Variants in RGS7 observed in about 807,000 individuals in gnomAD.
The protein encoded by RGS7 is regulator of G protein signaling 7.
A neutral mutation model predicts 81.1 loss-of-function variants in RGS7; 27 were observed. That is an observed-to-expected ratio of 0.33 (90% CI 0.25 to 0.46). The LOEUF is 0.46. RGS7 is among the 20% of genes least tolerant of loss of function. RGS7 has a pLI of 1.00. For synonymous variants in RGS7, 208 were observed against 207.7 expected (o/e 1.00, Z -0.01); for missense variants, 396 against 607.4 (o/e 0.65, Z 3.66).
chr1:241,214,016 G>A (rs370808117), intron 2 of RGS7, among the ~76,000 whole-genome samples: 9 of 152,010 alleles, frequency 5.9e-5, no homozygotes, highest in Middle Eastern at 3.4e-3. Context: ...TCCTCCCCCC[G>A]GGCCTCCCAA....
At chr1:241,346,350 C>CT (rs1456854890) in intron 2 of RGS7, among the ~76,000 whole-genome samples, 31 of 152,148 alleles carry the variant, frequency 2.0e-4, no homozygotes, top group African/African-American at 7.2e-4. Context: ...GTCCAAAACT[C>CT]TATCTTCAGC....
chr1:241,300,228 C>T (rs1000371327), intron 2 of RGS7, among the ~76,000 whole-genome samples: 1 of 152,128 alleles, frequency 6.6e-6, no homozygotes, highest in African/African-American at 2.4e-5. Context: ...TATCAACACC[C>T]TGCATCTAAG....
intron 2 of RGS7, among the ~76,000 whole-genome samples, chr1:241,324,638 T>C (rs541870607): frequency 6.6e-6 from 1 of 152,340 alleles, no homozygotes; most frequent in South Asian, 2.1e-4. Context: ...TTCCTTAGAA[T>C]GACCATGGCA....
intron 6 of RGS7, among the ~76,000 whole-genome samples, chr1:240,902,308 C>A (rs1236923966): frequency 1.3e-5 from 2 of 152,146 alleles, no homozygotes; most frequent in African/African-American, 2.4e-5. Context: ...TACTATAGAA[C>A]CTTTGCTGTG....
intron 6 of RGS7, among the ~76,000 whole-genome samples, chr1:240,929,457 T>G (rs889477610): frequency 2.3e-4 from 35 of 151,598 alleles, no homozygotes; most frequent in Non-Finnish European, 2.2e-4. Context: ...CGTATTAATT[T>G]TTCGGTATTC....
At chr1:241,351,332 T>C (rs922850432) in intron 2 of RGS7, among the ~76,000 whole-genome samples, 1 of 151,706 alleles carries the variant, frequency 6.6e-6, no homozygotes, top group African/African-American at 2.4e-5. Flanking sequence ...GGTGGGAGGA[T>C]AGCTTGAGCC....
chr1:241,199,872 A>G (rs1476890203), intron 2 of RGS7, among the ~76,000 whole-genome samples: 1 of 152,222 alleles, frequency 6.6e-6, no homozygotes, highest in African/African-American at 2.4e-5. Flanking sequence ...AGGGGTTAGA[A>G]TTCAAGCTGT....
intron 1 of RGS7, 102 bp from the exon 2 acceptor site, chr1:241,355,928 T>C (rs984437998): frequency 4.3e-6 from 3 of 703,332 alleles, no homozygotes; most frequent in East Asian, 2.7e-5. Context: ...TCTTACAAAC[T>C]GGGGCTGGCT....
At chr1:241,120,079 G>A (rs551188561) in intron 2 of RGS7, among the ~76,000 whole-genome samples, 1 of 152,116 alleles carries the variant, frequency 6.6e-6, no homozygotes, top group African/African-American at 2.4e-5. Context: ...TTGACTTTAG[G>A]ATAAAGCTCA....
intron 9 of RGS7, among the ~76,000 whole-genome samples, chr1:240,867,373 T>C (rs1051253000): frequency 2.0e-5 from 3 of 152,234 alleles, no homozygotes; most frequent in African/African-American, 7.2e-5. Context: ...ATAATACTTA[T>C]ATAAATATTA....
At chr1:241,299,779 A>C (rs1444204698) in intron 2 of RGS7, among the ~76,000 whole-genome samples, 1 of 149,822 alleles carries the variant, frequency 6.7e-6, no homozygotes, top group Non-Finnish European at 1.5e-5. Flanking sequence ...GTCACATTAA[A>C]GCATCATTTA....
At chr1:240,977,356 T>C (rs1168509075) in intron 4 of RGS7, among the ~76,000 whole-genome samples, 1 of 152,194 alleles carries the variant, frequency 6.6e-6, no homozygotes, top group Non-Finnish European at 1.5e-5. Flanking sequence ...TTATTCTGTG[T>C]TTTGCATTTG....
chr1:241,068,238 G>GTGTGTATATATATATATATA lies in RGS7; in HGVS notation c.175+30427_175+30428insTATATATATATATATACACA. On this transcript the variant is annotated intron_variant, in intron 3 of 18. Coordinates refer to ENST00000440928, the MANE Select transcript of RGS7 (RefSeq NM_001364886.1). ...CTATCCATAAATTGTGTGTGTGTGT[G>GTGTGTATATATATATATATA]TATATATATATATATATATAAAATA... Among the ~76,000 whole-genome samples the GTGTGTATATATATATATATA allele has an allele frequency of 5.6e-4, 20 of 35,668 alleles. 1 individual carries two copies. The highest frequency in any genetic ancestry group is 1.8e-3 in the African/African-American group (19 of 10,522). The allele number at this position is 35,668 out of a possible 152,430, so 23.4% of individuals were successfully genotyped here.
chr1:241,221,294 C>CT (rs2074997375), intron 2 of RGS7, among the ~76,000 whole-genome samples: 1 of 152,164 alleles, frequency 6.6e-6, no homozygotes, highest in Non-Finnish European at 1.5e-5. Flanking sequence ...GTACGCAAAT[C>CT]TATCATTTAA....
At chr1:241,274,838 GC>G (rs2078105816) in intron 2 of RGS7, among the ~76,000 whole-genome samples, 1 of 152,148 alleles carries the variant, frequency 6.6e-6, no homozygotes, top group Admixed American at 6.5e-5. Context: ...GTTCATATCA[GC>G]CTGAGAAATT....
At chr1:240,986,081 T>C (rs1478547439) in intron 3 of RGS7, among the ~76,000 whole-genome samples, 1 of 152,124 alleles carries the variant, frequency 6.6e-6, no homozygotes, top group Non-Finnish European at 1.5e-5. Context: ...GCCCTCAAAG[T>C]AACCTGTGGA....
intron 2 of RGS7, among the ~76,000 whole-genome samples, chr1:241,180,900 G>C (rs1011055526): frequency 1.3e-5 from 2 of 152,244 alleles, no homozygotes; most frequent in African/African-American, 4.8e-5. Context: ...AAATTGGGAA[G>C]AACAGTGTCT....
At chr1:241,329,694 G>A (rs1480084775) in intron 2 of RGS7, among the ~76,000 whole-genome samples, 1 of 152,118 alleles carries the variant, frequency 6.6e-6, no homozygotes, top group Non-Finnish European at 1.5e-5. Flanking sequence ...GTCCTTAAGT[G>A]CTGGATAATG....
chr1:241,151,383 A>G (rs2068737606), intron 2 of RGS7, among the ~76,000 whole-genome samples: 1 of 151,994 alleles, frequency 6.6e-6, no homozygotes, highest in South Asian at 2.1e-4. Flanking sequence ...TCTGCTCAGG[A>G]AGCCTGTCCA....
Sources: gnomAD v4.1 joint callset for allele counts (sites outside exome capture counted in the v4.1 genomes callset) on GRCh38, gnomAD v4.1.1 for gene constraint, MANE v1.5 for transcripts, NCBI Gene and HGNC (gene_info 2026-07-23, HGNC 2026-07-21) for gene names.